MSTO1: variants seen among roughly 807,000 people sequenced by gnomAD.
MSTO1 encodes the protein protein misato homolog 1.
Under a neutral mutation model 55.7 loss-of-function variants are expected in MSTO1, and 24 were observed. The ratio of observed to expected loss-of-function variants is 0.43; its 90% CI spans 0.31 to 0.61. MSTO1 has a LOEUF of 0.61. MSTO1 is among the 20% of genes least tolerant of loss of function. The pLI is 0.09. For synonymous variants in MSTO1, 162 were observed against 252.8 expected (o/e 0.64, Z 3.41); for missense variants, 363 against 625.7 (o/e 0.58, Z 4.48).
chr1:155,598,524 T>A, the MSTO1 span, among the ~76,000 whole-genome samples: 4 of 152,098 alleles, frequency 2.6e-5, no homozygotes, highest in Non-Finnish European at 5.9e-5. Flanking sequence ...GAGTTCAAGA[T>A]GAGCCTGGTC....
At chr1:155,601,271 T>G in the MSTO1 span, among the ~76,000 whole-genome samples, 1 of 150,294 alleles carries the variant, frequency 6.7e-6, no homozygotes, top group East Asian at 2.0e-4. Flanking sequence ...GTAGCTGGGA[T>G]TACAGGCACC....
At chr1:155,588,275 G>T in the MSTO1 span, among the ~76,000 whole-genome samples, 5 of 150,130 alleles carry the variant, frequency 3.3e-5, no homozygotes, top group African/African-American at 1.2e-4. Flanking sequence ...AAACAAAATT[G>T]TACGTGAAAA....
At chr1:155,595,598 G>A in the MSTO1 span, among the ~76,000 whole-genome samples, 18 of 150,024 alleles carry the variant, frequency 1.2e-4, no homozygotes, top group African/African-American at 2.5e-4. Flanking sequence ...AGCAATTCTC[G>A]TGCTTCAGCC....
chr1:155,581,489 C>T, the MSTO1 span, among the ~76,000 whole-genome samples: 16 of 152,020 alleles, frequency 1.1e-4, no homozygotes, highest in Non-Finnish European at 1.5e-5. Context: ...ACTTCAACCT[C>T]CTCTTGAACC....
chr1:155,575,101 G>A, the MSTO1 span, among the ~76,000 whole-genome samples: 3 of 151,646 alleles, frequency 2.0e-5, no homozygotes, highest in Admixed American at 6.6e-5. Flanking sequence ...TCCTGACCTC[G>A]GGTGATTCAC....
the MSTO1 span, among the ~76,000 whole-genome samples, chr1:155,589,527 C>T: frequency 6.6e-6 from 1 of 151,906 alleles, no homozygotes; most frequent in Non-Finnish European, 1.5e-5. Context: ...CACAGTAGGC[C>T]GTGAGCAAGC....
At chr1:155,605,053 G>A in the MSTO1 span, among the ~76,000 whole-genome samples, 1 of 152,156 alleles carries the variant, frequency 6.6e-6, no homozygotes, top group African/African-American at 2.4e-5. Flanking sequence ...CTGAGGTCAG[G>A]AGTTCAAAAC....
At chr1:155,579,804 C>T in the MSTO1 span, among the ~76,000 whole-genome samples, 1 of 152,078 alleles carries the variant, frequency 6.6e-6, no homozygotes, top group Non-Finnish European at 1.5e-5. Flanking sequence ...TCTTAAGCAT[C>T]TGTGGTTCTC....
the MSTO1 span, among the ~76,000 whole-genome samples, chr1:155,576,167 C>G: frequency 6.6e-6 from 1 of 151,758 alleles, no homozygotes; most frequent in Non-Finnish European, 1.5e-5. Context: ...TGTAAATGTT[C>G]TTTATATATT....
chr1:155,602,266 G>T, the MSTO1 span: 14 of 345,920 alleles, frequency 4.0e-5, no homozygotes, highest in Non-Finnish European at 6.9e-5. Flanking sequence ...ATCACTTGAG[G>T]TCGGAAGTTC....
chr1:155,594,932 T>A, the MSTO1 span, among the ~76,000 whole-genome samples: 1 of 151,952 alleles, frequency 6.6e-6, no homozygotes, highest in Non-Finnish European at 1.5e-5. Context: ...ACATCAGGAG[T>A]TCGTGACCAG....
chr1:155,599,398 A>C, the MSTO1 span, among the ~76,000 whole-genome samples: 4 of 152,178 alleles, frequency 2.6e-5, no homozygotes, highest in African/African-American at 4.8e-5. Flanking sequence ...CTTAGAGGTC[A>C]CCACGGGGTT....
At chr1:155,605,586 G>A (rs1333065544), upstream of MSTO1, among the ~76,000 whole-genome samples, 6 of 152,184 alleles carry the variant, frequency 3.9e-5, no homozygotes, top group Non-Finnish European at 7.3e-5. Context: ...AGGATGGCTT[G>A]AGTCCTGGAG....
chr1:155,576,729 A>G, the MSTO1 span, among the ~76,000 whole-genome samples: 5 of 151,416 alleles, frequency 3.3e-5, no homozygotes, highest in East Asian at 9.9e-4. Context: ...ATAGAAAATT[A>G]GAGGCTGAGC....
the MSTO1 span, among the ~76,000 whole-genome samples, chr1:155,585,954 T>C: frequency 6.6e-6 from 1 of 151,078 alleles, no homozygotes; most frequent in African/African-American, 2.5e-5. Context: ...TGTCATACTA[T>C]GCTAGATGTA....
At chr1:155,601,422 C>A in the MSTO1 span, among the ~76,000 whole-genome samples, 1 of 152,032 alleles carries the variant, frequency 6.6e-6, no homozygotes, top group Non-Finnish European at 1.5e-5. Flanking sequence ...CAGGTGTAAG[C>A]CACTGTACCT....
the MSTO1 span, among the ~76,000 whole-genome samples, chr1:155,578,827 T>TG: frequency 1.4e-5 from 2 of 146,768 alleles, no homozygotes; most frequent in African/African-American, 2.5e-5. Flanking sequence ...GTTTTTTTTT[T>TG]GTTTTTTTTT....
the MSTO1 span, among the ~76,000 whole-genome samples, chr1:155,585,024 G>C: frequency 6.6e-6 from 1 of 151,922 alleles, no homozygotes. Context: ...GCCTCCAAAA[G>C]TGCTGATATT....
the MSTO1 span, among the ~76,000 whole-genome samples, chr1:155,564,250 T>C: frequency 4.6e-5 from 7 of 152,194 alleles, no homozygotes; most frequent in Non-Finnish European, 7.3e-5. Context: ...TCCCAGCGCT[T>C]TGGGAGGCCA....
Sources: gnomAD v4.1 joint callset for allele counts (sites outside exome capture counted in the v4.1 genomes callset) on GRCh38, gnomAD v4.1.1 for gene constraint, MANE v1.5 for transcripts, NCBI Gene and HGNC (gene_info 2026-07-23, HGNC 2026-07-21) for gene names.